MRC2: variants seen among roughly 807,000 people sequenced by gnomAD.
MRC2 encodes mannose receptor C-type 2.
MRC2 carries 84 observed loss-of-function variants against 206.2 expected under a neutral mutation model. The observed-to-expected ratio is 0.41, with a 90% CI of 0.34 to 0.49. MRC2 has a LOEUF of 0.49. Ranked by LOEUF, MRC2 falls within the 20% of genes least tolerant of loss-of-function variation. The pLI, the probability that MRC2 is intolerant of heterozygous loss-of-function variation, is 0.31. For synonymous variants in MRC2, 798 were observed against 800.0 expected, an observed-to-expected ratio of 1.00 and a Z score of 0.04; for missense variants, 1,676 against 2,001.5, an observed-to-expected ratio of 0.84 and a Z score of 3.10.
Position 62,680,558 on chromosome 17 carries a change from C to T in MRC2, c.2473+105C>T, listed in dbSNP as rs930773808. 8.0e-6 allele frequency: 12 copies of T among 1,497,402 alleles called. No homozygotes were observed. The Admixed American group carries it at 1.4e-4, about 17-fold the overall frequency. 92.8% of individuals were successfully genotyped at this position (1,497,402 alleles called of 1,614,324 possible). A position where few individuals can be genotyped will look rare whatever the true frequency, so the allele number is the denominator to read the frequency against. Reference sequence around the variant, plus strand: ...ATGAAATGGAGGGGATGAGGAGTTCCGGTCGAGAGAAGGGGGACGGGGTTG... The same window carrying T: ...ATGAAATGGAGGGGATGAGGAGTTCTGGTCGAGAGAAGGGGGACGGGGTTG... On this transcript the variant is annotated intron_variant, in intron 16 of 29. Transcript: ENST00000303375. The surrounding 1 kb of genome is among the most constrained non-coding windows in gnomAD (Gnocchi z 4.8).
At chr17:62,684,960 G>A (rs891299740) in intron 20 of MRC2, among the ~76,000 whole-genome samples, 5 of 152,104 alleles carry the variant, frequency 3.3e-5, no homozygotes, top group Non-Finnish European at 7.4e-5. Context: ...GGGCAACATC[G>A]CAAAACCCTG....
Position 62,676,586 on chromosome 17 carries a change from C to T in MRC2, c.1834+55C>T, listed in dbSNP as rs116062465. ...AAGCGAGGAGGGAGGCCAGGGTGGA[C>T]TGGCCCTGCCAGCACCGAGCCCCAG... On this transcript the variant is annotated intron_variant, in intron 11 of 29. Transcript: ENST00000303375. 5,853 of 1,533,926 alleles carry T rather than the reference C, an allele frequency of 3.8e-3. 209 individuals carry two copies. The African/African-American group carries it at 0.071, about 19-fold the overall frequency.
At position 62,692,862 on chromosome 17, in the gene MRC2, C is replaced by G. The variant is rs2089129482; in HGVS notation, c.*411C>G. 5.4e-6 allele frequency: 1 copy of G among 185,370 alleles called. No homozygotes were observed. Among genetic ancestry groups the G allele is most frequent in the South Asian group, 1.2e-4 (1 of 8,314 alleles). The allele number at this position is 185,370 out of a possible 1,614,324, so 11.5% of individuals were successfully genotyped here. A position where few individuals can be genotyped will look rare whatever the true frequency, so the allele number is the denominator to read the frequency against. ...GTCCCCTCGGGCAGATCTGTTGTGTCTCTCTTCCCACCTGGCAGCCTCAGC... is the reference window on the plus strand; with the variant it reads ...GTCCCCTCGGGCAGATCTGTTGTGTGTCTCTTCCCACCTGGCAGCCTCAGC... On this transcript the variant is annotated 3_prime_UTR_variant, in exon 30 of 30. Coordinates refer to ENST00000303375, the MANE Select transcript of MRC2 (RefSeq NM_006039.5). The surrounding 1 kb of genome is among the most constrained non-coding windows in gnomAD (Gnocchi z 4.2).
intron 19 of MRC2, 22 bp from the exon 20 acceptor site, chr17:62,682,213 C>T (rs780850066): frequency 5.2e-6 from 8 of 1,543,562 alleles, no homozygotes; most frequent in Admixed American, 1.9e-5. Context: ...GGGGTGACTG[C>T]CCTCCCCTCC....
intron 26 of MRC2, 126 bp downstream of exon 26, chr17:62,690,431 C>T (rs574678107): frequency 2.9e-6 from 4 of 1,378,102 alleles, no homozygotes; most frequent in Admixed American, 2.5e-5. Flanking sequence ...AAGATGCCCT[C>T]GTGCTCTCAC....
intron 1 of MRC2, among the ~76,000 whole-genome samples, chr17:62,635,044 G>A (rs925259928): frequency 7.9e-5 from 12 of 151,484 alleles, no homozygotes; most frequent in Admixed American, 5.9e-4. Context: ...TTGGCCAGAC[G>A]GGTCTTGAAC....
Position 62,674,069 on chromosome 17 carries a change from C to A in MRC2, c.1468C>A (p.Arg490Ser). The A allele has an allele frequency of 6.4e-7, 1 of 1,550,534 alleles. No individual in the cohort carries two copies. The highest frequency in any genetic ancestry group is 8.7e-7 in the Non-Finnish European group (1 of 1,146,462). ...CCTCACCCTGTGTCCGTAGGAAGGC[C>A]GCTGGAACGACAGTCCCTGTAACCA... ...DCVTIWGPEG[R>S]WNDSPCNQSL... The change falls in exon 9 of 30, where the codon CGC (arginine) becomes AGC (serine). Residue 490 changes from arginine to serine, a missense_variant. Physicochemically the swap from Arg to Ser is moderately radical, Grantham distance 110. Around this residue, in one of 3 missense-constraint regions of MRC2, gnomAD observed 1,354 missense variants for 1,636.6 expected, o/e 0.83. Coordinates refer to ENST00000303375, the MANE Select transcript of MRC2 (RefSeq NM_006039.5).
chr17:62,667,500 A>C lies in MRC2; in HGVS notation c.1084A>C (p.Lys362Gln), dbSNP rs766630211. Reference sequence around the variant, plus strand: ...CGCGCTGCCCTATGTGTGCAAGAAGAAGCCCAACGCCACGGCCGAGCCCAC... The same window carrying C: ...CGCGCTGCCCTATGTGTGCAAGAAGCAGCCCAACGCCACGGCCGAGCCCAC... ...SIALPYVCKKKPNATAEPTPP... is the reference protein window; with the variant it reads ...SIALPYVCKKQPNATAEPTPP... The change falls in exon 6 of 30, where the codon AAG becomes CAG. Residue 362 changes from lysine to glutamine, a missense_variant. Physicochemically the swap from Lys to Gln is moderately conservative, Grantham distance 53. Around this residue, in one of 3 missense-constraint regions of MRC2, gnomAD observed 1,354 missense variants for 1,636.6 expected, o/e 0.83. Transcript: ENST00000303375. This position sits in a 1 kb window ranked among gnomAD's most constrained non-coding sequence, Gnocchi z 4.1. The C allele has an allele frequency of 1.4e-5, 23 of 1,611,846 alleles. No homozygotes were observed. The highest frequency in any genetic ancestry group is 5.0e-5 in the Admixed American group (3 of 59,722).
At chr17:62,669,467 C>T (rs1470982319) in intron 6 of MRC2, among the ~76,000 whole-genome samples, 4 of 152,016 alleles carry the variant, frequency 2.6e-5, no homozygotes, top group African/African-American at 4.8e-5. Flanking sequence ...CTGCCCACCT[C>T]GGCCTCCCAA....
At chr17:62,656,678 A>C (rs534018766) in intron 1 of MRC2, among the ~76,000 whole-genome samples, 5 of 152,358 alleles carry the variant, frequency 3.3e-5, no homozygotes, top group African/African-American at 1.2e-4. Flanking sequence ...CTGACAGGTC[A>C]GAGGAGGTCC....
At chr17:62,635,963 G>GAA (rs2088311021) in intron 1 of MRC2, among the ~76,000 whole-genome samples, 1 of 150,908 alleles carries the variant, frequency 6.6e-6, no homozygotes, top group Non-Finnish European at 1.5e-5. Context: ...AATTTTTTGT[G>GAA]TTTTTAGTAG....
chr17:62,680,452 AG>A lies in MRC2; in HGVS notation c.2473+1del. On this transcript the variant is annotated frameshift_variant and splice_region_variant, in exon 16 of 30. Coordinates refer to ENST00000303375, the MANE Select transcript of MRC2 (RefSeq NM_006039.5). LOFTEE classifies it high-confidence loss of function. This position sits in a 1 kb window ranked among gnomAD's most constrained non-coding sequence, Gnocchi z 4.8. ...TGCGGGAGCCCGACGACAGCCCTCA[AG>A]GTGAGCACCCCCCAGCCCATCCCGC... ...DVREPDDSPQGRREWLRFQEA... is the reference protein window; with the variant it reads ...DVREPDDSPQXRREWLRFQEA... The A allele has an allele frequency of 6.2e-7, 1 of 1,614,064 alleles. No homozygotes were observed.
chr17:62,680,238 C>A lies in MRC2; in HGVS notation c.2367C>A (p.Asp789Glu). 1 of 1,614,106 alleles carries A rather than the reference C, an allele frequency of 6.2e-7. No individual in the cohort carries two copies. Among genetic ancestry groups the A allele is most frequent in the South Asian group, 1.1e-5 (1 of 91,078 alleles). Residue 789 changes from aspartate (D) to glutamate (E), a missense_variant, in exon 15 of 30, where the codon GAC becomes GAA. By Grantham distance (45) the Asp-to-Glu change is conservative. Transcript: ENST00000303375. This position sits in a 1 kb window ranked among gnomAD's most constrained non-coding sequence, Gnocchi z 4.8. Reference protein sequence around the residue: ...DDDIRGCAVLDLASLQWVAMQ... With the variant: ...DDDIRGCAVLELASLQWVAMQ... ...ACATCCGAGGCTGTGCGGTGCTGGA[C>A]CTGGCCTCCCTGCAGTGGGTGGCCA... is the stretch of plus-strand genomic sequence containing the variant.
At position 62,680,679 on chromosome 17, in the gene MRC2, G is replaced by C. The variant is rs1356046928; in HGVS notation, c.2474-121G>C. The C allele has an allele frequency of 1.5e-6, 2 of 1,326,264 alleles. No individual in the cohort carries two copies. The highest frequency in any genetic ancestry group is 1.5e-5 in the African/African-American group (1 of 66,642). The allele number at this position is 1,326,264 out of a possible 1,614,324, so 82.2% of individuals were successfully genotyped here. On this transcript the variant is annotated intron_variant, in intron 16 of 29. Transcript: ENST00000303375. This position sits in a 1 kb window ranked among gnomAD's most constrained non-coding sequence, Gnocchi z 4.8. ...CTGGCACGGTGCCTGCCTGGGTCCGGTGTGCCTGCAGGCTCGCCTGCTGCC... is the reference window on the plus strand; with the variant it reads ...CTGGCACGGTGCCTGCCTGGGTCCGCTGTGCCTGCAGGCTCGCCTGCTGCC...
rs749573062 is a variant in MRC2 at position 62,667,422 on chromosome 17, G to C, written c.1006G>C (p.Gly336Arg). The C allele has an allele frequency of 6.2e-6, 10 of 1,611,830 alleles. 1 individual carries two copies. The highest frequency in any genetic ancestry group is 3.3e-4 in the Middle Eastern group (2 of 6,072). ...GGACAACCCCAGTGAGGAGAACTGTGGAGTGATCCGCACTGAGTCCTCGGG... is the reference window on the plus strand; with the variant it reads ...GGACAACCCCAGTGAGGAGAACTGTCGAGTGATCCGCACTGAGTCCTCGGG... ...QPDNPSEENC[G>R]VIRTESSGGW... is the part of the protein sequence containing the mutation. The change falls in exon 6 of 30, where the codon GGA becomes CGA. Residue 336 changes from glycine (G) to arginine (R), a missense_variant. Gly to Arg is a moderately radical substitution (Grantham distance 125). Around this residue, in one of 3 missense-constraint regions of MRC2, gnomAD observed 1,354 missense variants for 1,636.6 expected, o/e 0.83. Transcript: ENST00000303375. This position sits in a 1 kb window ranked among gnomAD's most constrained non-coding sequence, Gnocchi z 4.1.
Position 62,627,867 on chromosome 17 carries a change from T to C in MRC2, c.65T>C (p.Leu22Pro). The stretch of plus-strand genomic sequence containing the variant: ...CACCTGCTGCGCTGCGTCCTGCTCC[T>C]CGGGTGCCTGCACCTCGGCCGTCCC... ...PRHLLRCVLL[L>P]GCLHLGRPGA... Residue 22 changes from leucine to proline, a missense_variant, in exon 1 of 30, where the codon CTC becomes CCC. Leu to Pro is a moderately conservative substitution (Grantham distance 98). Coordinates refer to ENST00000303375, the MANE Select transcript of MRC2 (RefSeq NM_006039.5). 1 of 1,477,658 alleles carries C rather than the reference T, an allele frequency of 6.8e-7. No homozygotes were observed. The highest frequency in any genetic ancestry group is 8.9e-7 in the Non-Finnish European group (1 of 1,121,566). The allele number at this position is 1,477,658 out of a possible 1,614,324, so 91.5% of individuals were successfully genotyped here.
At chr17:62,681,314 G>A in intron 18 of MRC2, 185 bp downstream of exon 18, 2 of 660,510 alleles carry the variant, frequency 3.0e-6, no homozygotes, top group Non-Finnish European at 2.6e-6. Context: ...AGGCCTGCCT[G>A]GTAAGATTTT....
chr17:62,638,487 C>T (rs985922745), intron 1 of MRC2, among the ~76,000 whole-genome samples: 5 of 152,146 alleles, frequency 3.3e-5, no homozygotes, highest in African/African-American at 1.2e-4. Flanking sequence ...TGCCTATAAT[C>T]CCAGCCCTTT....
At chr17:62,673,519 T>C (rs2088852508) in intron 8 of MRC2, among the ~76,000 whole-genome samples, 1 of 151,398 alleles carries the variant, frequency 6.6e-6, no homozygotes, top group African/African-American at 2.4e-5. Context: ...TTTTTTTTTT[T>C]TTTTTTTGAG....
Sources: allele counts gnomAD v4.1 joint callset (sites outside exome capture counted in the v4.1 genomes callset), GRCh38; gene constraint gnomAD v4.1.1; regional missense constraint gnomAD v4.1.1; non-coding constraint Gnocchi (gnomAD v3.1); transcripts MANE v1.5; gene names NCBI Gene and HGNC (gene_info 2026-07-23, HGNC 2026-07-21).